Variants in NRG3 observed in about 807,000 individuals in gnomAD.
NRG3 encodes the protein pro-neuregulin-3, membrane-bound isoform.
Under a neutral mutation model 66.9 loss-of-function variants are expected in NRG3, and 31 were observed. The ratio of observed to expected loss-of-function variants is 0.46; its 90% CI spans 0.35 to 0.63. The LOEUF is 0.63. NRG3 is among the 20% of genes least tolerant of loss of function. The pLI is 0.00. For synonymous variants in NRG3, 393 were observed against 359.4 expected, an observed-to-expected ratio of 1.09 and a Z score of -1.06; for missense variants, 910 against 878.9, an observed-to-expected ratio of 1.04 and a Z score of -0.45.
chr10:81,945,122 G>A (rs1564679268), intron 1 of NRG3, among the ~76,000 whole-genome samples: 1 of 151,970 alleles, frequency 6.6e-6, no homozygotes, highest in Non-Finnish European at 1.5e-5. Context: ...TCCTTGTTCT[G>A]GTCATTGTCT....
At chr10:82,310,014 G>T (rs1564779207) in intron 1 of NRG3, among the ~76,000 whole-genome samples, 1 of 151,996 alleles carries the variant, frequency 6.6e-6, no homozygotes, top group Non-Finnish European at 1.5e-5. Context: ...TCCTACTTTT[G>T]CTGTAACTTC....
intron 1 of NRG3, among the ~76,000 whole-genome samples, chr10:81,996,625 G>C (rs2060949336): frequency 6.6e-6 from 1 of 152,048 alleles, no homozygotes; most frequent in Non-Finnish European, 1.5e-5. Flanking sequence ...CTGATTATTA[G>C]TGATAGTGCT....
At chr10:81,979,179 C>G (rs1436175834) in intron 1 of NRG3, among the ~76,000 whole-genome samples, 1 of 122,648 alleles carries the variant, frequency 8.2e-6, no homozygotes, top group African/African-American at 3.6e-5. Flanking sequence ...CAGGGCGGGA[C>G]TCCGTCTCAA....
chr10:82,144,552 A>C (rs965523916), intron 1 of NRG3, among the ~76,000 whole-genome samples: 1 of 152,198 alleles, frequency 6.6e-6, no homozygotes, highest in African/African-American at 2.4e-5. Flanking sequence ...GAGTAGTCTC[A>C]TGGGCTAAAG....
intron 4 of NRG3, among the ~76,000 whole-genome samples, chr10:82,918,000 A>G (rs1316863835): frequency 8.0e-6 from 1 of 125,548 alleles, no homozygotes; most frequent in Non-Finnish European, 1.7e-5. Context: ...ATATGTATGT[A>G]TGTATCTCTC....
At chr10:82,593,505 C>G (rs2047098910) in intron 2 of NRG3, among the ~76,000 whole-genome samples, 1 of 152,050 alleles carries the variant, frequency 6.6e-6, no homozygotes, top group African/African-American at 2.4e-5. Flanking sequence ...GTTCAAGTTA[C>G]TATTGACCAC....
At chr10:81,966,772 G>C (rs2059745759) in intron 1 of NRG3, among the ~76,000 whole-genome samples, 1 of 151,902 alleles carries the variant, frequency 6.6e-6, no homozygotes, top group South Asian at 2.1e-4. Context: ...AATTCTCTTT[G>C]ACCCAGTTTT....
At chr10:82,367,119 T>G (rs2084584704) in intron 2 of NRG3, among the ~76,000 whole-genome samples, 1 of 152,154 alleles carries the variant, frequency 6.6e-6, no homozygotes, top group Non-Finnish European at 1.5e-5. Flanking sequence ...TATGTATAAC[T>G]ATTCAATGTC....
chr10:82,943,935 A>G (rs1026290246), intron 4 of NRG3, among the ~76,000 whole-genome samples: 3 of 152,198 alleles, frequency 2.0e-5, no homozygotes, highest in Non-Finnish European at 4.4e-5. Flanking sequence ...TATTGCCTTT[A>G]TGTAGGGAGG....
intron 1 of NRG3, among the ~76,000 whole-genome samples, chr10:81,986,939 C>T (rs550700168): frequency 1.3e-5 from 2 of 152,284 alleles, no homozygotes; most frequent in East Asian, 3.9e-4. Context: ...ACCTTGGCCT[C>T]CCAAAGTGCT....
intron 3 of NRG3, among the ~76,000 whole-genome samples, chr10:82,811,249 A>G (rs899395628): frequency 2.6e-5 from 4 of 152,230 alleles, no homozygotes; most frequent in Admixed American, 1.3e-4. Context: ...TTTTCACTAG[A>G]TAACAAACTC....
chr10:82,503,277 G>T (rs184271101), intron 2 of NRG3, among the ~76,000 whole-genome samples: 2 of 152,084 alleles, frequency 1.3e-5, no homozygotes, highest in African/African-American at 4.8e-5. Context: ...CATTTTAGAG[G>T]CATGACCAAA....
At chr10:82,111,534 CA>C (rs2132246039) in intron 1 of NRG3, among the ~76,000 whole-genome samples, 2 of 152,254 alleles carry the variant, frequency 1.3e-5, no homozygotes, top group South Asian at 4.2e-4. Context: ...TCTTTTAGAT[CA>C]CTGGAGAAGG....
chr10:82,902,738 T>C (rs987521720), intron 4 of NRG3, among the ~76,000 whole-genome samples: 2 of 152,164 alleles, frequency 1.3e-5, no homozygotes, highest in African/African-American at 2.4e-5. Context: ...TATACACATG[T>C]ATAGTTGACC....
intron 2 of NRG3, among the ~76,000 whole-genome samples, chr10:82,639,567 T>A (rs939570393): frequency 6.6e-6 from 1 of 152,226 alleles, no homozygotes; most frequent in Non-Finnish European, 1.5e-5. Flanking sequence ...GCTGGAAAGA[T>A]GTTCAGATGA....
At chr10:82,884,744 A>G (rs1030595448) in intron 4 of NRG3, among the ~76,000 whole-genome samples, 7 of 152,192 alleles carry the variant, frequency 4.6e-5, no homozygotes, top group Non-Finnish European at 1.0e-4. Context: ...AATGGTTCTT[A>G]CTCTTCATAC....
At chr10:81,882,411 G>T (rs1025813930) in intron 1 of NRG3, among the ~76,000 whole-genome samples, 8 of 152,148 alleles carry the variant, frequency 5.3e-5, no homozygotes, top group African/African-American at 1.9e-4. Context: ...ATGTGTGTGT[G>T]TGTGTCTGTG....
chr10:82,132,481 T>TATATATGATATATATATATC (rs1554831183), intron 1 of NRG3, among the ~76,000 whole-genome samples: 1 of 7,314 alleles, frequency 1.4e-4, no homozygotes, highest in South Asian at 3.1e-3. Context: ...ATATATATGA[T>TATATATGATATATATATATC]ATATATATAT....
At chr10:82,486,485 G>T (rs1298689904) in intron 2 of NRG3, among the ~76,000 whole-genome samples, 2 of 151,914 alleles carry the variant, frequency 1.3e-5, no homozygotes, top group African/African-American at 4.8e-5. Flanking sequence ...TGCAATCTTG[G>T]CTCACTGCAA....
Sources: gnomAD v4.1 joint callset for allele counts (sites outside exome capture counted in the v4.1 genomes callset) on GRCh38, gnomAD v4.1.1 for gene constraint, MANE v1.5 for transcripts, NCBI Gene and HGNC (gene_info 2026-07-23, HGNC 2026-07-21) for gene names.